FREM1: variants seen among roughly 807,000 people sequenced by gnomAD.
The protein encoded by FREM1 is FRAS1 related extracellular matrix 1.
Under a neutral mutation model 210.1 loss-of-function variants are expected in FREM1, and 220 were observed. The ratio of observed to expected loss-of-function variants is 1.05; its 90% CI spans 0.94 to 1.17. The LOEUF (loss-of-function observed/expected upper bound fraction) is 1.17, where lower values mean the gene tolerates loss of function less well. Ranked by LOEUF, FREM1 falls within the 50% of genes most tolerant of loss-of-function variation. The probability of loss-of-function intolerance (pLI) is 0.00; values close to 1 mark genes in which losing one functional copy is unlikely to be tolerated. For synonymous variants in FREM1, 1,189 were observed against 980.2 expected (o/e 1.21, Z -3.98); for missense variants, 3,454 against 2,675.5 (o/e 1.29, Z -6.42).
At chr9:14,778,075 C>T (rs1161515240) in intron 24 of FREM1, among the ~76,000 whole-genome samples, 1 of 152,130 alleles carries the variant, frequency 6.6e-6, no homozygotes, top group Non-Finnish European at 1.5e-5. Flanking sequence ...ACATTTCACA[C>T]ACCTCGACTT....
intron 14 of FREM1, among the ~76,000 whole-genome samples, chr9:14,818,347 T>C (rs552905214): frequency 6.6e-6 from 1 of 152,338 alleles, no homozygotes; most frequent in African/African-American, 2.4e-5. Flanking sequence ...TATCGTGGAC[T>C]GTAAATCAAT....
intron 10 of FREM1, among the ~76,000 whole-genome samples, chr9:14,832,500 C>T (rs774044530): frequency 6.6e-6 from 1 of 152,166 alleles, no homozygotes; most frequent in Non-Finnish European, 1.5e-5. Flanking sequence ...AACACAATTC[C>T]CAATAGGAAG....
At position 14,848,745 on chromosome 9, in the gene FREM1, A is replaced by G; in HGVS notation, c.1181T>C (p.Phe394Ser). Residue 394 changes from phenylalanine (F) to serine (S), a missense_variant, in exon 7 of 37, where the codon TTT becomes TCT. By Grantham distance (155) the Phe-to-Ser change is radical. Coordinates refer to ENST00000380880, the MANE Select transcript of FREM1 (RefSeq NM_001379081.2). Reference protein sequence around the residue: ...EVELEVYDFFFERSAPMTVHI... With the variant: ...EVELEVYDFFSERSAPMTVHI... ...GACTGTCATAGGTGCACTCCTTTCA[A>G]AGAAGAAGTCGTATACCTCCAATTC... The G allele has an allele frequency of 6.2e-7, 1 of 1,612,560 alleles. No individual in the cohort carries two copies. The highest frequency in any genetic ancestry group is 1.3e-5 in the African/African-American group (1 of 75,006).
intron 27 of FREM1, among the ~76,000 whole-genome samples, chr9:14,762,416 A>G (rs954320270): frequency 2.0e-4 from 30 of 152,192 alleles, no homozygotes; most frequent in African/African-American, 7.2e-4. Flanking sequence ...GATCCTGGTG[A>G]CCTCAAGGCG....
chr9:14,860,658 T>TATATACACAC (rs1829767352), intron 3 of FREM1, among the ~76,000 whole-genome samples: 1 of 132,636 alleles, frequency 7.5e-6, no homozygotes, highest in African/African-American at 3.2e-5. Flanking sequence ...TATATACACA[T>TATATACACAC]ATATACATAT....
intron 3 of FREM1, among the ~76,000 whole-genome samples, chr9:14,860,118 T>C (rs991570544): frequency 1.3e-5 from 2 of 152,162 alleles, no homozygotes; most frequent in African/African-American, 4.8e-5. Flanking sequence ...AGCTTCTAAT[T>C]GATGTGCTCT....
In FREM1 at chr9:14,797,652, G is replaced by C. The variant is rs1189661555; in HGVS notation, c.3695-10C>G. 6.3e-7 allele frequency: 1 copy of C among 1,596,188 alleles called. No individual in the cohort carries two copies. Among genetic ancestry groups the C allele is most frequent in the Non-Finnish European group, 8.5e-7 (1 of 1,172,186 alleles). ...TACGTCAACCTCATTCCTGGAAGAA[G>C]GAAAAAAAATAAGTAAATCTTCCTT... On this transcript the variant is annotated splice_polypyrimidine_tract_variant and intron_variant, in intron 20 of 36. Coordinates refer to ENST00000380880, the MANE Select transcript of FREM1 (RefSeq NM_001379081.2).
intron 1 of FREM1, among the ~76,000 whole-genome samples, chr9:14,869,836 G>C (rs145852205): frequency 6.6e-6 from 1 of 152,186 alleles, no homozygotes; most frequent in South Asian, 2.1e-4. Context: ...TCAAGTTTCT[G>C]TTTATGTGTG....
intron 1 of FREM1, among the ~76,000 whole-genome samples, chr9:14,877,216 C>T (rs1414499090): frequency 2.0e-5 from 3 of 152,018 alleles, no homozygotes; most frequent in Admixed American, 6.6e-5. Context: ...CTCAAACTTA[C>T]ACCTCTAGCC....
At chr9:14,901,731 G>A (rs1838820434) in intron 1 of FREM1, among the ~76,000 whole-genome samples, 1 of 152,166 alleles carries the variant, frequency 6.6e-6, no homozygotes, top group Non-Finnish European at 1.5e-5. Context: ...ACACTTTAGT[G>A]TCTGCAGAAA....
At chr9:14,795,467 G>A (rs962772404) in intron 21 of FREM1, among the ~76,000 whole-genome samples, 6 of 152,172 alleles carry the variant, frequency 3.9e-5, no homozygotes, top group African/African-American at 9.7e-5. Context: ...AAAAAATAAT[G>A]GAGCAGTTTC....
chr9:14,841,629 C>A, intron 9 of FREM1, 40 bp from the exon 10 acceptor site: 3 of 1,469,372 alleles, frequency 2.0e-6, no homozygotes, highest in Non-Finnish European at 2.7e-6. Context: ...TTGTACAAGC[C>A]TATCAAATAT....
chr9:14,819,166 T>A, intron 14 of FREM1, 68 bp downstream of exon 14: 2 of 1,129,458 alleles, frequency 1.8e-6, no homozygotes, highest in Non-Finnish European at 2.5e-6. Flanking sequence ...TTTCTCTTAC[T>A]CTGCCTCACA....
At chr9:14,762,954 G>C (rs925164516) in intron 27 of FREM1, among the ~76,000 whole-genome samples, 1 of 152,086 alleles carries the variant, frequency 6.6e-6, no homozygotes, top group Non-Finnish European at 1.5e-5. Flanking sequence ...GAGCCCATGA[G>C]AGAAATTCGT....
rs1588219522 is a variant in FREM1 at position 14,828,969 on chromosome 9, T to C, written c.1882-3977A>G. Among the ~76,000 whole-genome samples, 2 of 152,322 alleles carry C rather than the reference T, an allele frequency of 1.3e-5. 1 individual carries two copies. The highest frequency in any genetic ancestry group is 6.8e-3 in the Middle Eastern group (2 of 294). On this transcript the variant is annotated intron_variant, in intron 10 of 36. Coordinates refer to ENST00000380880, the MANE Select transcript of FREM1 (RefSeq NM_001379081.2). ...AAGTTACTTAACCTTTTAGTGTCAA[T>C]TTTCTTATTAGTAAGTTAAGCATAA... is the stretch of plus-strand genomic sequence containing the variant.
chr9:14,792,788 G>C lies in FREM1; in HGVS notation c.3936C>G (p.Tyr1312Ter). ...IDEDSPREKIYYVFERLPQNG... is the reference protein window; with the variant it reads ...IDEDSPREKI ...TTTGGGGAAGCCTTTCAAATACATA[G>C]TAAATCTTCTCCCTGGGTGAGTCTT... The change falls in exon 22 of 37, where the codon TAC (tyrosine) becomes TAG (stop). Residue 1312 changes from tyrosine (Y) to a stop codon, truncating the protein, a stop_gained. Coordinates refer to ENST00000380880, the MANE Select transcript of FREM1 (RefSeq NM_001379081.2). LOFTEE classifies it high-confidence loss of function. The C allele has an allele frequency of 6.2e-7, 1 of 1,608,140 alleles. No homozygotes were observed. Among genetic ancestry groups the C allele is most frequent in the Non-Finnish European group, 8.5e-7 (1 of 1,177,242 alleles).
Position 14,859,473 on chromosome 9 carries a change from C to G in FREM1, c.341G>C (p.Arg114Thr). 3.1e-6 allele frequency: 5 copies of G among 1,612,190 alleles called. No homozygotes were observed. Among genetic ancestry groups the G allele is most frequent in the Non-Finnish European group, 4.2e-6 (5 of 1,178,836 alleles). Reference protein sequence around the residue: ...VKLRLYRFTERDTFIETFILW... With the variant: ...VKLRLYRFTETDTFIETFILW... Reference sequence around the variant, plus strand: ...GATAAAAGTTTCTATGAAGGTATCTCTTTCAGTAAATCTGTGGAGAACACA... The same window carrying G: ...GATAAAAGTTTCTATGAAGGTATCTGTTTCAGTAAATCTGTGGAGAACACA... Residue 114 changes from arginine (R) to threonine (T), a missense_variant, in exon 4 of 37, where the codon AGA becomes ACA. By Grantham distance (71) the Arg-to-Thr change is moderately conservative. Transcript: ENST00000380880.
At position 14,805,047 on chromosome 9, in the gene FREM1, T is replaced by C; in HGVS notation, c.3380A>G (p.Asp1127Gly). The C allele has an allele frequency of 1.2e-6, 2 of 1,613,308 alleles. No individual in the cohort carries two copies. The highest frequency in any genetic ancestry group is 1.7e-6 in the Non-Finnish European group (2 of 1,179,272). ...TATCTCCAAGGAGTGATGCTTCCCATCTGTGACGTACACCGTGAACTGGTC... is the reference window on the plus strand; with the variant it reads ...TATCTCCAAGGAGTGATGCTTCCCACCTGTGACGTACACCGTGAACTGGTC... ...TADQFTVYVT[D>G]GKHHSLEIPF... Residue 1127 changes from aspartate to glycine, a missense_variant, in exon 19 of 37, where the codon GAT becomes GGT. By Grantham distance (94) the Asp-to-Gly change is moderately conservative (BLOSUM62 -1). Coordinates refer to ENST00000380880, the MANE Select transcript of FREM1 (RefSeq NM_001379081.2).
At chr9:14,878,426 C>T (rs1834170598) in intron 1 of FREM1, among the ~76,000 whole-genome samples, 1 of 152,116 alleles carries the variant, frequency 6.6e-6, no homozygotes, top group Non-Finnish European at 1.5e-5. Flanking sequence ...CTCAAGTTCC[C>T]ATCAAATGTC....
Sources: gnomAD v4.1 joint callset for allele counts (sites outside exome capture counted in the v4.1 genomes callset) on GRCh38, gnomAD v4.1.1 for gene constraint, MANE v1.5 for transcripts, NCBI Gene and HGNC (gene_info 2026-07-23, HGNC 2026-07-21) for gene names.